NFXL1: variants seen among roughly 807,000 people sequenced by gnomAD.
NFXL1 encodes nuclear transcription factor, X-box binding like 1.
Under a neutral mutation model 123.3 loss-of-function variants are expected in NFXL1, and 66 were observed. The observed-to-expected ratio is 0.54, with a 90% CI of 0.44 to 0.66. The LOEUF (loss-of-function observed/expected upper bound fraction) is 0.66. NFXL1 is among the 30% of genes least tolerant of loss of function. NFXL1 has a pLI of 0.00. For missense variants in NFXL1, 944 were observed against 1,125.6 expected (o/e 0.84, Z 2.31); for synonymous variants, 346 against 360.8 (o/e 0.96, Z 0.46).
intron 18 of NFXL1, among the ~76,000 whole-genome samples, chr4:47,873,520 C>G (rs530041276): frequency 1.3e-5 from 2 of 152,214 alleles, no homozygotes; most frequent in Admixed American, 6.5e-5. Context: ...TCTTGGGTAA[C>G]CAGGTATATT....
chr4:47,886,484 C>T (rs144651943), intron 12 of NFXL1, among the ~76,000 whole-genome samples: 1 of 152,136 alleles, frequency 6.6e-6, no homozygotes, highest in East Asian at 1.9e-4. Flanking sequence ...CCTCCCACGT[C>T]AGCCTTCCAA....
Position 47,907,433 on chromosome 4 carries a change from G to GA in NFXL1, c.407-2088dup, listed in dbSNP as rs1737614634. On this transcript the variant is annotated intron_variant, in intron 3 of 22. Transcript: ENST00000507489. ...GATGGGTCCACGTGCCAGCAAGATA[G>GA]AGATACTCATCAGGAAGTTGGCCAT... is the stretch of plus-strand genomic sequence containing the variant. Among the ~76,000 whole-genome samples the GA allele has an allele frequency of 4.6e-5, 7 of 152,330 alleles. No individual in the cohort carries two copies. In the South Asian group the frequency reaches 1.4e-3, roughly 32 times the overall value.
chr4:47,905,194 A>AT, intron 4 of NFXL1, 43 bp downstream of exon 4: 1 of 799,156 alleles, frequency 1.3e-6, no homozygotes, highest in Non-Finnish European at 2.1e-6. Flanking sequence ...AAACTAAGGT[A>AT]TTTTGGGGAG....
At chr4:47,853,697 A>G (rs1317272902) in intron 20 of NFXL1, among the ~76,000 whole-genome samples, 3 of 152,174 alleles carry the variant, frequency 2.0e-5, no homozygotes, top group African/African-American at 4.8e-5. Context: ...AGGGTACAAT[A>G]TATGTATTAG....
intron 12 of NFXL1, among the ~76,000 whole-genome samples, chr4:47,890,284 T>C (rs1736688180): frequency 6.6e-6 from 1 of 152,076 alleles, no homozygotes; most frequent in South Asian, 2.1e-4. Context: ...AACACCTTCA[T>C]TGATTAAAAA....
At chr4:47,891,096 T>C (rs939495617) in intron 11 of NFXL1, among the ~76,000 whole-genome samples, 2 of 149,430 alleles carry the variant, frequency 1.3e-5, no homozygotes, top group African/African-American at 2.4e-5. Flanking sequence ...CAGTTATTTA[T>C]TTTCTTTTTC....
intron 7 of NFXL1, 47 bp downstream of exon 7, chr4:47,898,912 T>A: frequency 6.2e-7 from 1 of 1,612,212 alleles, no homozygotes; most frequent in East Asian, 2.2e-5. Flanking sequence ...AAGATTGCTT[T>A]GACTTTTGCT....
chr4:47,882,400 C>G (rs1157930549), intron 15 of NFXL1: 7 of 152,154 alleles, frequency 4.6e-5, no homozygotes, highest in Non-Finnish European at 1.0e-4. Flanking sequence ...CCTTTGGAAA[C>G]TTTCATGTCT....
At chr4:47,851,170 TCAATTTA>T in intron 21 of NFXL1, 22 bp from the exon 22 acceptor site, 1 of 1,571,920 alleles carries the variant, frequency 6.4e-7, no homozygotes, top group Non-Finnish European at 8.8e-7. Context: ...CATACAAAAG[TCAATTTA>T]CAATTTAGTC....
intron 19 of NFXL1, 125 bp from the exon 20 acceptor site, chr4:47,855,288 A>ATAAT (rs1734344810): frequency 2.4e-6 from 1 of 408,976 alleles, no homozygotes; most frequent in South Asian, 4.9e-5. Context: ...AGCTAATGGG[A>ATAAT]TAATTTGTAA....
rs866755432 is a variant in NFXL1, at chr4:47,891,915, C to T, written c.1453-1212G>A. ...TCACACCACTGCACTCCAGCCTGGA[C>T]GATAGAGTAAGACTCCGTCTCAAAA... On this transcript the variant is annotated intron_variant, in intron 11 of 22. Transcript: ENST00000507489. 5.4e-5 allele frequency among the ~76,000 whole-genome samples: 8 copies of T among 149,316 alleles called. No homozygotes were observed. In the South Asian group the frequency reaches 1.1e-3, roughly 20 times the overall value.
intron 20 of NFXL1, among the ~76,000 whole-genome samples, chr4:47,853,749 C>G (rs532097460): frequency 6.6e-6 from 1 of 152,134 alleles, no homozygotes; most frequent in East Asian, 1.9e-4. Flanking sequence ...TGCTAGATGA[C>G]GAGACTGAAC....
chr4:47,860,582 T>C (rs1734707823), intron 19 of NFXL1, among the ~76,000 whole-genome samples: 1 of 152,196 alleles, frequency 6.6e-6, no homozygotes. Flanking sequence ...AAGACAAATA[T>C]GACATAGTCC....
chr4:47,851,747 A>G (rs1734130734), intron 21 of NFXL1, 109 bp downstream of exon 21: 1 of 711,162 alleles, frequency 1.4e-6, no homozygotes, highest in Admixed American at 2.8e-5. Flanking sequence ...GGCTTTTATT[A>G]TAAAAGCAAA....
At chr4:47,911,027 A>C (rs1737807061) in intron 2 of NFXL1, 33 bp from the exon 3 acceptor site, 1 of 1,332,448 alleles carries the variant, frequency 7.5e-7, no homozygotes, top group Admixed American at 2.5e-5. Context: ...ATTTCTGCAA[A>C]ACAATCTCTC....
chr4:47,913,621 ACAAT>A (rs1737953130), intron 2 of NFXL1, among the ~76,000 whole-genome samples: 1 of 152,254 alleles, frequency 6.6e-6, no homozygotes, highest in African/African-American at 2.4e-5. Flanking sequence ...ACAACCGCTG[ACAAT>A]CAATCCACAT....
At chr4:47,886,805 G>A (rs1316962838) in intron 12 of NFXL1, among the ~76,000 whole-genome samples, 1 of 152,132 alleles carries the variant, frequency 6.6e-6, no homozygotes, top group Non-Finnish European at 1.5e-5. Context: ...AAGCAAAAAT[G>A]GATTTAAGTC....
At chr4:47,913,693 A>G (rs770267763) in intron 2 of NFXL1, among the ~76,000 whole-genome samples, 1 of 152,234 alleles carries the variant, frequency 6.6e-6, no homozygotes, top group Non-Finnish European at 1.5e-5. Context: ...CCGGGCCACA[A>G]TTTACAACTG....
intron 16 of NFXL1, 91 bp downstream of exon 16, chr4:47,879,005 C>T: frequency 1.3e-6 from 1 of 769,100 alleles, no homozygotes. Context: ...AATACTTTGA[C>T]TTTGTTATTT....
Sources: gnomAD v4.1 joint callset for allele counts (sites outside exome capture counted in the v4.1 genomes callset) on GRCh38, gnomAD v4.1.1 for gene constraint, MANE v1.5 for transcripts, NCBI Gene and HGNC (gene_info 2026-07-23, HGNC 2026-07-21) for gene names.